Variants in SPECC1 observed in about 807,000 individuals in gnomAD.
SPECC1 encodes the protein sperm antigen with calponin homology and coiled-coil domains 1, also known as cytospin-B.
A neutral mutation model predicts 104.1 loss-of-function variants in SPECC1; 62 were observed. That is an observed-to-expected ratio of 0.60 (90% confidence interval 0.49 to 0.74). SPECC1 has a LOEUF of 0.74. Among genes scored for constraint, SPECC1 ranks in the 30% least tolerant of loss-of-function variants. The pLI is 0.00. For missense variants in SPECC1, 1,306 were observed against 1,310.5 expected, an observed-to-expected ratio of 1.00 and a Z score of 0.05; for synonymous variants, 513 against 501.6, an observed-to-expected ratio of 1.02 and a Z score of -0.30.
chr17:20,107,437 T>C (rs1204899454), intron 2 of SPECC1, among the ~76,000 whole-genome samples: 5 of 150,758 alleles, frequency 3.3e-5, no homozygotes, highest in Non-Finnish European at 1.5e-5. Flanking sequence ...AGTGAGATCC[T>C]GTCTCTTCTT....
intron 13 of SPECC1, among the ~76,000 whole-genome samples, chr17:20,301,912 G>A (rs999300593): frequency 6.6e-6 from 1 of 152,188 alleles, no homozygotes; most frequent in African/African-American, 2.4e-5. Flanking sequence ...CATCATGTTG[G>A]TCAGGCTGGT....
chr17:20,092,244 T>G (rs767118340), intron 1 of SPECC1, among the ~76,000 whole-genome samples: 10 of 135,662 alleles, frequency 7.4e-5, no homozygotes, highest in Middle Eastern at 3.8e-3. Context: ...TAGATTTAAC[T>G]GTAATTCCTT....
rs1286181792 is a variant in SPECC1 at position 20,314,403 on chromosome 17, G to A, written c.*338G>A. 9.3e-6 allele frequency: 3 copies of A among 322,808 alleles called. No homozygotes were observed. In the East Asian group the frequency reaches 1.3e-4, roughly 14 times the overall value. 20.0% of individuals were successfully genotyped at this position (322,808 alleles called of 1,614,324 possible). On this transcript the variant is annotated 3_prime_UTR_variant, in exon 15 of 15. Transcript: ENST00000395527. ...TGGCTGAACGAACACATTATCTGCA[G>A]AAATTCAGACAAAGAACATCTCCAA...
rs1263223283 is a variant in SPECC1, at chr17:20,227,440, G to A, written c.1891G>A (p.Glu631Lys). 2 of 1,612,844 alleles carry A rather than the reference G, an allele frequency of 1.2e-6. No homozygotes were observed. The highest frequency in any genetic ancestry group is 1.3e-5 in the African/African-American group (1 of 74,880). Reference protein sequence around the residue: ...KVEKDYSYLKEICDHQAEQLS... With the variant: ...KVEKDYSYLKKICDHQAEQLS... ...GGAAAAGGATTATTCATACCTGAAG[G>A]AGATATGTGATCACCAAGCCGAACA... The change falls in exon 5 of 15, where the codon GAG becomes AAG. Residue 631 changes from glutamate to lysine, a missense_variant. This residue lies in a region of SPECC1 where 1,177 missense variants were observed against 1,139.9 expected (regional missense o/e 1.03). Coordinates refer to ENST00000395527, the MANE Select transcript of SPECC1 (RefSeq NM_001243439.2).
At chr17:20,244,386 C>T (rs1266291360) in intron 7 of SPECC1, among the ~76,000 whole-genome samples, 1 of 152,148 alleles carries the variant, frequency 6.6e-6, no homozygotes, top group Non-Finnish European at 1.5e-5. Context: ...GTATGAAAAC[C>T]AGTTCCTCTC....
At chr17:20,247,184 C>G (rs749570452) in intron 8 of SPECC1, 35 bp from the exon 9 acceptor site, 2 of 1,523,954 alleles carry the variant, frequency 1.3e-6, no homozygotes, top group East Asian at 4.5e-5. Context: ...TGAAGTGGAA[C>G]AACATATAAA....
At chr17:20,283,443 AT>A (rs1447031885) in intron 12 of SPECC1, among the ~76,000 whole-genome samples, 1 of 152,092 alleles carries the variant, frequency 6.6e-6, no homozygotes, top group Admixed American at 6.5e-5. Context: ...AATGTCTTTA[AT>A]TTTTGCCAGT....
chr17:20,026,874 T>C (rs1357520791), intron 1 of SPECC1, among the ~76,000 whole-genome samples: 1 of 152,198 alleles, frequency 6.6e-6, no homozygotes, highest in Non-Finnish European at 1.5e-5. Context: ...TTTTCCATAA[T>C]GGCCATTACC....
chr17:20,142,988 G>C (rs988861924), intron 3 of SPECC1, among the ~76,000 whole-genome samples: 1 of 151,828 alleles, frequency 6.6e-6, no homozygotes, highest in African/African-American at 2.4e-5. Flanking sequence ...TTGACAGAGT[G>C]AGACCCTGTC....
chr17:20,092,894 T>G (rs1162906862), intron 1 of SPECC1, among the ~76,000 whole-genome samples: 1 of 152,218 alleles, frequency 6.6e-6, no homozygotes, highest in Non-Finnish European at 1.5e-5. Flanking sequence ...ATTTGATCTA[T>G]AGCCTTGGTG....
chr17:20,068,499 C>T (rs1040765480), intron 1 of SPECC1, among the ~76,000 whole-genome samples: 21 of 152,148 alleles, frequency 1.4e-4, no homozygotes, highest in Admixed American at 1.4e-3. Flanking sequence ...TGGATATATA[C>T]CAAGGACTGG....
intron 1 of SPECC1, chr17:20,018,109 A>G (rs1567795352): frequency 6.6e-6 from 1 of 152,154 alleles, no homozygotes; most frequent in Non-Finnish European, 1.5e-5. Flanking sequence ...CCAGGTAATC[A>G]CCTTGTCAGG....
intron 12 of SPECC1, among the ~76,000 whole-genome samples, chr17:20,282,181 A>G (rs2040794768): frequency 6.6e-6 from 1 of 152,228 alleles, no homozygotes; most frequent in Non-Finnish European, 1.5e-5. Context: ...TCAAGTGAAA[A>G]TGGAGGAAGC....
intron 13 of SPECC1, among the ~76,000 whole-genome samples, chr17:20,301,788 C>T (rs554404572): frequency 5.5e-4 from 83 of 152,248 alleles, no homozygotes; most frequent in South Asian, 1.0e-3. Context: ...TCACTGCAAC[C>T]TCCGCCTCCC....
rs1597689440 is a variant in SPECC1 at position 20,096,862 on chromosome 17, G to T, written c.147+64G>T. On this transcript the variant is annotated intron_variant, in intron 2 of 14. Transcript: ENST00000395527. ...GATACCCTGGGTTGGGAGGATTGAA[G>T]AGGGCAGTAAGCAAACCAGTGGCCT... 3 of 1,560,286 alleles carry T rather than the reference G, an allele frequency of 1.9e-6. No individual in the cohort carries two copies. In the East Asian group the frequency reaches 6.8e-5, roughly 35 times the overall value.
At chr17:20,015,688 C>T (rs1006358372) in intron 1 of SPECC1, among the ~76,000 whole-genome samples, 2 of 146,784 alleles carry the variant, frequency 1.4e-5, no homozygotes, top group African/African-American at 2.5e-5. Flanking sequence ...AGGTTCACGC[C>T]ATTCTCCTGC....
intron 3 of SPECC1, among the ~76,000 whole-genome samples, chr17:20,158,530 A>G (rs2032818854): frequency 6.6e-6 from 1 of 152,156 alleles, no homozygotes; most frequent in Admixed American, 6.5e-5. Flanking sequence ...AGTCTTGGCC[A>G]CTTGATGGGG....
intron 3 of SPECC1, among the ~76,000 whole-genome samples, chr17:20,163,462 AATC>A (rs2033352210): frequency 6.6e-6 from 1 of 152,208 alleles, no homozygotes. Context: ...CTGACAAAAA[AATC>A]CAGTTTTTAA....
chr17:20,314,399 T>A lies in SPECC1; in HGVS notation c.*334T>A. On this transcript the variant is annotated 3_prime_UTR_variant, in exon 15 of 15. Coordinates refer to ENST00000395527, the MANE Select transcript of SPECC1 (RefSeq NM_001243439.2). ...TGGGTGGCTGAACGAACACATTATC[T>A]GCAGAAATTCAGACAAAGAACATCT... 1 of 327,618 alleles carries A rather than the reference T, an allele frequency of 3.1e-6. No homozygotes were observed. Among genetic ancestry groups the A allele is most frequent in the Non-Finnish European group, 5.8e-6 (1 of 171,534 alleles). The allele number at this position is 327,618 out of a possible 1,614,324, so 20.3% of individuals were successfully genotyped here.
Sources: gnomAD v4.1 joint callset for allele counts (sites outside exome capture counted in the v4.1 genomes callset) on GRCh38, gnomAD v4.1.1 for gene constraint, gnomAD v4.1.1 regional missense constraint, MANE v1.5 for transcripts, NCBI Gene and HGNC (gene_info 2026-07-23, HGNC 2026-07-21) for gene names.